HDHD2: variants seen among roughly 807,000 people sequenced by gnomAD.
The protein encoded by HDHD2 is haloacid dehalogenase-like hydrolase domain-containing protein 2.
In HDHD2, 26 loss-of-function variants were observed where a neutral mutation model predicts 24.8. The observed-to-expected ratio is 1.05, with a 90% CI of 0.77 to 1.45. The LOEUF is 1.45. HDHD2 is among the 40% of genes most tolerant of loss of function. The pLI, the probability that HDHD2 is intolerant of heterozygous loss-of-function variation, is 0.00. For synonymous variants in HDHD2, 128 were observed against 114.9 expected (o/e 1.11, Z -0.73); for missense variants, 299 against 313.4 (o/e 0.95, Z 0.35).
At chr18:47,122,276 C>T (rs1262620374) in intron 4 of HDHD2, among the ~76,000 whole-genome samples, 1 of 152,202 alleles carries the variant, frequency 6.6e-6, no homozygotes, top group Non-Finnish European at 1.5e-5. Context: ...AATGGCGAGT[C>T]ACTTCACATT....
In HDHD2 at chr18:47,147,609, A is replaced by G. The variant is rs2063884941; in HGVS notation, c.-11+2769T>C. ...ATTCAAGAAGAAACGTTACCTCTGA[A>G]GGTGATTAAAGAACAAATATGAACA... On this transcript the variant is annotated intron_variant, in intron 1 of 6. Coordinates refer to ENST00000300605, the MANE Select transcript of HDHD2 (RefSeq NM_032124.5). Among the ~76,000 whole-genome samples the G allele has an allele frequency of 2.0e-5, 3 of 152,242 alleles. No individual in the cohort carries two copies. In the South Asian group the frequency reaches 6.2e-4, roughly 32 times the overall value.
chr18:47,139,179 C>T (rs1411522465), intron 1 of HDHD2, among the ~76,000 whole-genome samples: 1 of 152,042 alleles, frequency 6.6e-6, no homozygotes, highest in Non-Finnish European at 1.5e-5. Flanking sequence ...CCTTTGTTGG[C>T]CGGGCACGGT....
intron 1 of HDHD2, among the ~76,000 whole-genome samples, chr18:47,139,247 A>C (rs2684822): frequency 0.39 from 59,411 of 151,236 alleles, 11,781 homozygotes; most frequent in Middle Eastern, 0.44. Context: ...TCACGAGGTC[A>C]GGAGATCGAG....
chr18:47,115,126 A>G lies in HDHD2; in HGVS notation c.612+6T>C. On this transcript the variant is annotated splice_donor_region_variant and intron_variant, in intron 5 of 6. Coordinates refer to ENST00000300605, the MANE Select transcript of HDHD2 (RefSeq NM_032124.5). Reference sequence around the variant, plus strand: ...CTGGGAGCACCTCCTGGGTTCTTCTACTTACATCTCCTATCATGACAGCCT... The same window carrying G: ...CTGGGAGCACCTCCTGGGTTCTTCTGCTTACATCTCCTATCATGACAGCCT... The G allele has an allele frequency of 6.2e-7, 1 of 1,608,752 alleles. No homozygotes were observed.
chr18:47,144,297 G>C (rs955160432), intron 1 of HDHD2, among the ~76,000 whole-genome samples: 15 of 152,154 alleles, frequency 9.9e-5, no homozygotes, highest in African/African-American at 3.1e-4. Context: ...TGAAGAGATA[G>C]ATCCTCTGAC....
chr18:47,117,225 T>C (rs1390924471), intron 4 of HDHD2, among the ~76,000 whole-genome samples: 4 of 152,214 alleles, frequency 2.6e-5, no homozygotes, highest in Admixed American at 6.5e-5. Context: ...AGTATTTTTA[T>C]ACTTACTAGA....
chr18:47,137,314 T>C lies in HDHD2; in HGVS notation c.-10-865A>G, dbSNP rs2063775687. 8 of 412,426 alleles carry C rather than the reference T, an allele frequency of 1.9e-5. No individual in the cohort carries two copies. In the Admixed American group the frequency reaches 2.7e-4, roughly 14 times the overall value. The allele number at this position is 412,426 out of a possible 1,614,324, so 25.5% of individuals were successfully genotyped here. Reference sequence around the variant, plus strand: ...CGAGGTGTCTAGCGAAAAGGGAACCTGCTTCTTTACTCCAGAATTCTGTTC... The same window carrying C: ...CGAGGTGTCTAGCGAAAAGGGAACCCGCTTCTTTACTCCAGAATTCTGTTC... On this transcript the variant is annotated intron_variant, in intron 1 of 6. Coordinates refer to ENST00000300605, the MANE Select transcript of HDHD2 (RefSeq NM_032124.5).
chr18:47,123,260 A>C (rs2063624524), intron 4 of HDHD2, among the ~76,000 whole-genome samples: 1 of 152,248 alleles, frequency 6.6e-6, no homozygotes, highest in South Asian at 2.1e-4. Flanking sequence ...TTAGCTTTCT[A>C]TGTATTAGCA....
chr18:47,134,530 C>CA lies in HDHD2; in HGVS notation c.275dup (p.Leu93AlafsTer3). The CA allele has an allele frequency of 6.2e-7, 1 of 1,614,152 alleles. No individual in the cohort carries two copies. The highest frequency in any genetic ancestry group is 8.5e-7 in the Non-Finnish European group (1 of 1,180,008). ...CAGGTAGTGCCCGATCATCAACTAG[C>CA]AGCATGGGTCTGACTTGTTTCCGCT... On this transcript the variant is annotated frameshift_variant, in exon 3 of 7. Transcript: ENST00000300605. LOFTEE classifies it high-confidence loss of function.
At chr18:47,136,798 G>T (rs1248939527) in intron 1 of HDHD2, among the ~76,000 whole-genome samples, 1 of 152,162 alleles carries the variant, frequency 6.6e-6, no homozygotes, top group African/African-American at 2.4e-5. Context: ...GTACTCCAAA[G>T]AATGGGTGGA....
chr18:47,118,477 A>AC (rs2063575167), intron 4 of HDHD2, among the ~76,000 whole-genome samples: 1 of 152,166 alleles, frequency 6.6e-6, no homozygotes, highest in South Asian at 2.1e-4. Flanking sequence ...AGAAGCCATT[A>AC]CCCTCAGCAA....
At chr18:47,133,185 C>A (rs975622041) in intron 3 of HDHD2, among the ~76,000 whole-genome samples, 10 of 151,530 alleles carry the variant, frequency 6.6e-5, no homozygotes, top group Non-Finnish European at 1.0e-4. Context: ...GTGATGTTCC[C>A]CTTCCTGTGT....
intron 4 of HDHD2, among the ~76,000 whole-genome samples, chr18:47,121,133 G>A (rs62096474): frequency 0.068 from 10,326 of 150,932 alleles, 431 homozygotes; most frequent in East Asian, 0.13. Context: ...CAAGTGAAGC[G>A]CGATAATGCA....
At chr18:47,129,526 A>G (rs1360153842) in intron 4 of HDHD2, among the ~76,000 whole-genome samples, 1 of 152,094 alleles carries the variant, frequency 6.6e-6, no homozygotes, top group Non-Finnish European at 1.5e-5. Flanking sequence ...GACTAAACTC[A>G]AAAGTAAGAC....
At chr18:47,137,915 A>T (rs557693506) in intron 1 of HDHD2, among the ~76,000 whole-genome samples, 3 of 151,504 alleles carry the variant, frequency 2.0e-5, no homozygotes, top group Non-Finnish European at 4.4e-5. Context: ...GCAGTGGCTT[A>T]GCACTTTTGG....
At chr18:47,113,063 T>A (rs758555742) in intron 5 of HDHD2, 23 bp from the exon 6 acceptor site, 1 of 1,607,558 alleles carries the variant, frequency 6.2e-7, no homozygotes, top group South Asian at 1.1e-5. Flanking sequence ...AAAGAAAGCA[T>A]TTAGTCCAGT....
chr18:47,137,316 C>A (rs79420880), intron 1 of HDHD2: 5 of 402,924 alleles, frequency 1.2e-5, no homozygotes, highest in Non-Finnish European at 4.7e-6. Context: ...AGGGAACCTG[C>A]TTCTTTACTC....
At chr18:47,125,282 C>T (rs959614651) in intron 4 of HDHD2, among the ~76,000 whole-genome samples, 6 of 152,178 alleles carry the variant, frequency 3.9e-5, no homozygotes, top group African/African-American at 1.4e-4. Context: ...TCATTTGTAG[C>T]TAGCAAGAAT....
intron 6 of HDHD2, chr18:47,110,280 G>C (rs2063505087): frequency 8.1e-6 from 8 of 985,256 alleles, no homozygotes; most frequent in Admixed American, 1.2e-4. Flanking sequence ...TACAGGAAGG[G>C]AGCCAGCATC....
Sources: allele counts gnomAD v4.1 joint callset (sites outside exome capture counted in the v4.1 genomes callset), GRCh38; gene constraint gnomAD v4.1.1; transcripts MANE v1.5; gene names NCBI Gene and HGNC (gene_info 2026-07-23, HGNC 2026-07-21).